The following CSNK2A2IP variants were observed in gnomAD, a reference collection of about 807,000 sequenced individuals.
CSNK2A2IP encodes the protein casein kinase 2 subunit alpha' interacting protein.
chr3:88,408,291 C>T, the CSNK2A2IP span, among the ~76,000 whole-genome samples: 3 of 150,900 alleles, frequency 2.0e-5, no homozygotes, highest in Admixed American at 6.6e-5. Context: ...TTATTGTTAC[C>T]GCAAGTCTGA....
chr3:88,437,339 A>C, the CSNK2A2IP span, among the ~76,000 whole-genome samples: 2 of 152,208 alleles, frequency 1.3e-5, no homozygotes, highest in African/African-American at 4.8e-5. Context: ...AGTTAGACCA[A>C]ATTCAAATCC....
chr3:88,384,033 T>G, the CSNK2A2IP span, among the ~76,000 whole-genome samples: 8 of 152,098 alleles, frequency 5.3e-5, no homozygotes, highest in Non-Finnish European at 8.8e-5. Flanking sequence ...TAACTTTTTC[T>G]AATTAGTCTC....
At chr3:88,380,163 A>G in the CSNK2A2IP span, among the ~76,000 whole-genome samples, 1 of 152,136 alleles carries the variant, frequency 6.6e-6, no homozygotes, top group Non-Finnish European at 1.5e-5. Context: ...TTGGGAAAAG[A>G]ATTAATAGAA....
At chr3:88,389,353 A>G in the CSNK2A2IP span, among the ~76,000 whole-genome samples, 3 of 152,150 alleles carry the variant, frequency 2.0e-5, no homozygotes, top group South Asian at 4.1e-4. Context: ...GCAGGTGTAA[A>G]AGCCCTAAGG....
the CSNK2A2IP span, among the ~76,000 whole-genome samples, chr3:88,404,848 C>T: frequency 2.0e-5 from 3 of 152,000 alleles, no homozygotes; most frequent in African/African-American, 4.8e-5. Context: ...GCTTCTGAAC[C>T]TTCTACCAGT....
At chr3:88,347,440 A>G in the CSNK2A2IP span, among the ~76,000 whole-genome samples, 1 of 151,996 alleles carries the variant, frequency 6.6e-6, no homozygotes, top group Non-Finnish European at 1.5e-5. Context: ...AGTCATCCCA[A>G]CCTTCAGCAA....
the CSNK2A2IP span, among the ~76,000 whole-genome samples, chr3:88,442,081 A>G: frequency 6.6e-6 from 1 of 152,198 alleles, no homozygotes; most frequent in Non-Finnish European, 1.5e-5. Flanking sequence ...AAATCCATTT[A>G]TCTCATGTAC....
chr3:88,388,175 T>A, the CSNK2A2IP span, among the ~76,000 whole-genome samples: 1 of 152,220 alleles, frequency 6.6e-6, no homozygotes, highest in South Asian at 2.1e-4. Context: ...TTCCATGACG[T>A]CTTTGCTGAT....
At chr3:88,424,127 A>T in the CSNK2A2IP span, among the ~76,000 whole-genome samples, 1 of 152,172 alleles carries the variant, frequency 6.6e-6, no homozygotes, top group East Asian at 1.9e-4. Flanking sequence ...TTCTAAACTC[A>T]GTTCCAGGCC....
At chr3:88,414,270 G>GTTTTTTTT in the CSNK2A2IP span, among the ~76,000 whole-genome samples, 12 of 64,100 alleles carry the variant, frequency 1.9e-4, 2 homozygotes, top group African/African-American at 4.4e-4. Flanking sequence ...TACCAACAAA[G>GTTTTTTTT]TTTTTTTTTT....
At chr3:88,341,410 C>T in the CSNK2A2IP span, among the ~76,000 whole-genome samples, 1 of 151,502 alleles carries the variant, frequency 6.6e-6, no homozygotes, top group African/African-American at 2.4e-5. Context: ...TTTAGACTAG[C>T]TAGATATTTC....
the CSNK2A2IP span, among the ~76,000 whole-genome samples, chr3:88,363,606 T>C: frequency 6.6e-6 from 1 of 152,224 alleles, no homozygotes; most frequent in Non-Finnish European, 1.5e-5. Context: ...TGATGGGATG[T>C]CATGCATCAT....
chr3:88,421,931 A>G, the CSNK2A2IP span, among the ~76,000 whole-genome samples: 1 of 152,196 alleles, frequency 6.6e-6, no homozygotes, highest in Non-Finnish European at 1.5e-5. Flanking sequence ...ATAAATATTC[A>G]TATTATTTCC....
At chr3:88,429,453 T>C in the CSNK2A2IP span, among the ~76,000 whole-genome samples, 1 of 152,212 alleles carries the variant, frequency 6.6e-6, no homozygotes, top group Non-Finnish European at 1.5e-5. Flanking sequence ...TCCCAAATCA[T>C]ATCTCACGTT....
At chr3:88,449,820 GACAC>G in the CSNK2A2IP span, among the ~76,000 whole-genome samples, 504 of 47,108 alleles carry the variant, frequency 0.011, 8 homozygotes, top group African/African-American at 0.021. Flanking sequence ...TTTATATCGA[GACAC>G]ACACACACAC....
the CSNK2A2IP span, among the ~76,000 whole-genome samples, chr3:88,348,633 C>T: frequency 6.6e-6 from 1 of 151,914 alleles, no homozygotes; most frequent in East Asian, 1.9e-4. Context: ...TGGAAAATAC[C>T]ATTTTAGGGT....
At chr3:88,346,551 C>T in the CSNK2A2IP span, among the ~76,000 whole-genome samples, 2 of 151,982 alleles carry the variant, frequency 1.3e-5, no homozygotes, top group Non-Finnish European at 2.9e-5. Context: ...TAAATTTACT[C>T]TTCCTGTGCA....
the CSNK2A2IP span, among the ~76,000 whole-genome samples, chr3:88,448,449 A>G: frequency 6.6e-6 from 1 of 152,192 alleles, no homozygotes; most frequent in African/African-American, 2.4e-5. Context: ...CCTAGATCCT[A>G]GTTTGCCTGT....
chr3:88,432,011 T>C, the CSNK2A2IP span, among the ~76,000 whole-genome samples: 1 of 152,062 alleles, frequency 6.6e-6, no homozygotes, highest in Non-Finnish European at 1.5e-5. Flanking sequence ...TTATAAGATA[T>C]TTTGATTGTG....
Sources: allele counts gnomAD v4.1 joint callset (sites outside exome capture counted in the v4.1 genomes callset), GRCh38; gene constraint gnomAD v4.1.1; transcripts MANE v1.5; gene names NCBI Gene and HGNC (gene_info 2026-07-23, HGNC 2026-07-21).